Variants in DNER observed in about 807,000 individuals in gnomAD.
DNER encodes the protein delta and Notch-like epidermal growth factor-related receptor.
Under a neutral mutation model 78.2 loss-of-function variants are expected in DNER, and 33 were observed. The observed-to-expected ratio is 0.42, with a 90% CI of 0.32 to 0.56. DNER has a LOEUF of 0.56. DNER is among the 20% of genes least tolerant of loss of function. The pLI is 0.11. For synonymous variants in DNER, 417 were observed against 384.8 expected (o/e 1.08, Z -0.98); for missense variants, 918 against 975.3 (o/e 0.94, Z 0.78).
At chr2:229,578,898 G>A (rs182424048) in intron 4 of DNER, among the ~76,000 whole-genome samples, 128 of 152,098 alleles carry the variant, frequency 8.4e-4, no homozygotes, top group African/African-American at 1.9e-3. Flanking sequence ...CCTCTTTTTC[G>A]TTTGAAAGAT....
intron 5 of DNER, among the ~76,000 whole-genome samples, chr2:229,520,164 G>T (rs1403655764): frequency 6.6e-6 from 1 of 152,194 alleles, no homozygotes; most frequent in Non-Finnish European, 1.5e-5. Flanking sequence ...ATAATAGGCT[G>T]CTTAGCAGTA....
At chr2:229,680,591 G>C (rs1288007102) in intron 1 of DNER, among the ~76,000 whole-genome samples, 1 of 152,250 alleles carries the variant, frequency 6.6e-6, no homozygotes, top group African/African-American at 2.4e-5. Context: ...TGGCAGGCTA[G>C]AGCCTGGAAT....
intron 11 of DNER, among the ~76,000 whole-genome samples, chr2:229,374,257 G>T (rs1017781556): frequency 1.0e-5 from 1 of 96,574 alleles, no homozygotes; most frequent in African/African-American, 6.6e-5. Flanking sequence ...AGGAAAGGAA[G>T]GGGGGAAATG....
At chr2:229,388,462 A>G (rs2106336092) in intron 10 of DNER, 66 bp from the exon 11 acceptor site, 2 of 1,515,310 alleles carry the variant, frequency 1.3e-6, no homozygotes, top group Non-Finnish European at 1.8e-6. Flanking sequence ...TTTTCTGGCC[A>G]AAAAATAAAG....
intron 4 of DNER, among the ~76,000 whole-genome samples, chr2:229,548,753 T>TA (rs1017433294): frequency 2.0e-5 from 3 of 151,896 alleles, no homozygotes; most frequent in Non-Finnish European, 4.4e-5. Flanking sequence ...AAAAAATATA[T>TA]AAAAAACAAA....
chr2:229,457,053 T>C (rs1694590904), intron 7 of DNER, among the ~76,000 whole-genome samples: 1 of 152,120 alleles, frequency 6.6e-6, no homozygotes, highest in Non-Finnish European at 1.5e-5. Context: ...TCAAACAGAA[T>C]TCTAGTTTCA....
At chr2:229,656,985 C>CGTGTGTGTGTGTGTGTGTGTGTGT (rs1417445603) in intron 1 of DNER, among the ~76,000 whole-genome samples, 3 of 148,726 alleles carry the variant, frequency 2.0e-5, no homozygotes, top group African/African-American at 7.4e-5. Context: ...ACAGTTACCA[C>CGTGTGTGTGTGTGTGTGTGTGTGT]GTGTGTGTGT....
intron 1 of DNER, among the ~76,000 whole-genome samples, chr2:229,637,584 T>C (rs1252545527): frequency 6.6e-6 from 1 of 152,264 alleles, no homozygotes; most frequent in Non-Finnish European, 1.5e-5. Flanking sequence ...ATTGTAGCCA[T>C]AGGATGGAAA....
chr2:229,382,387 C>T (rs1049594190), intron 11 of DNER, among the ~76,000 whole-genome samples: 3 of 152,052 alleles, frequency 2.0e-5, no homozygotes, highest in African/African-American at 7.2e-5. Context: ...TTCTCACTAG[C>T]GAGGGAACAG....
chr2:229,558,836 G>A lies in DNER; in HGVS notation c.848-11744C>T, dbSNP rs1013845507. ...GCTGGGGAGGTCAGTGTGTCAGACA[G>A]AGCTCCAGTCACCAGTGTCTTAGCT... On this transcript the variant is annotated intron_variant, in intron 4 of 12. Transcript: ENST00000341772. Among the ~76,000 whole-genome samples, 11 of 152,312 alleles carry A rather than the reference G, an allele frequency of 7.2e-5. No homozygotes were observed. The East Asian group carries it at 2.1e-3, about 29-fold the overall frequency.
chr2:229,403,718 T>A (rs1693319930), intron 10 of DNER, among the ~76,000 whole-genome samples: 1 of 151,704 alleles, frequency 6.6e-6, no homozygotes, highest in Non-Finnish European at 1.5e-5. Flanking sequence ...AAGGGTGAGA[T>A]TGCTGGTGGG....
chr2:229,406,820 C>G (rs1261457458), intron 10 of DNER, among the ~76,000 whole-genome samples: 1 of 113,958 alleles, frequency 8.8e-6, no homozygotes, highest in Admixed American at 8.4e-5. Context: ...TCTCCCTTGA[C>G]ACTTTTATAT....
intron 11 of DNER, among the ~76,000 whole-genome samples, chr2:229,380,934 TAAAAAAATAA>T: frequency 6.6e-6 from 1 of 150,868 alleles, no homozygotes; most frequent in South Asian, 2.1e-4. Flanking sequence ...AAAATAAAAA[TAAAAAAATAA>T]AATAAAATAA....
intron 8 of DNER, among the ~76,000 whole-genome samples, chr2:229,443,373 C>G (rs1694276756): frequency 1.3e-5 from 2 of 152,178 alleles, no homozygotes; most frequent in South Asian, 4.1e-4. Flanking sequence ...CACCCCCACC[C>G]CAGCGAGTTC....
intron 8 of DNER, among the ~76,000 whole-genome samples, chr2:229,430,607 C>A (rs1559349710): frequency 6.6e-6 from 1 of 152,042 alleles, no homozygotes; most frequent in African/African-American, 2.4e-5. Context: ...AGTTTTGGAA[C>A]TCGGACTGGC....
chr2:229,483,099 T>C (rs1250397094), intron 6 of DNER, among the ~76,000 whole-genome samples: 7 of 152,154 alleles, frequency 4.6e-5, no homozygotes, highest in Non-Finnish European at 8.8e-5. Context: ...TCCTGTTGGA[T>C]GGCAATAATA....
At chr2:229,637,654 C>G (rs1698551641) in intron 1 of DNER, among the ~76,000 whole-genome samples, 1 of 152,284 alleles carries the variant, frequency 6.6e-6, no homozygotes, top group Non-Finnish European at 1.5e-5. Flanking sequence ...GAGACATCAC[C>G]TTGGTAGCTT....
chr2:229,579,776 C>CTT (rs60345395), intron 4 of DNER, among the ~76,000 whole-genome samples: 4 of 144,874 alleles, frequency 2.8e-5, no homozygotes, highest in East Asian at 2.0e-4. Context: ...TTGAGAATTC[C>CTT]TTTTTTTTTT....
At chr2:229,505,090 G>T (rs2154212076) in intron 6 of DNER, among the ~76,000 whole-genome samples, 1 of 152,038 alleles carries the variant, frequency 6.6e-6, no homozygotes, top group Admixed American at 6.6e-5. Context: ...ACCACCTGAA[G>T]GCTAAGTGCC....
Sources: allele counts gnomAD v4.1 joint callset (sites outside exome capture counted in the v4.1 genomes callset), GRCh38; gene constraint gnomAD v4.1.1; transcripts MANE v1.5; gene names NCBI Gene and HGNC (gene_info 2026-07-23, HGNC 2026-07-21).